ITPR2: variants seen among roughly 807,000 people sequenced by gnomAD.
ITPR2 encodes inositol 1,4,5-trisphosphate receptor type 2, also known as inositol 1,4,5-trisphosphate-gated calcium channel ITPR2.
Under a neutral mutation model 317.1 loss-of-function variants are expected in ITPR2, and 207 were observed. The ratio of observed to expected loss-of-function variants is 0.65; its 90% CI spans 0.58 to 0.73. ITPR2 has a LOEUF of 0.73. Ranked by LOEUF, ITPR2 falls within the 30% of genes least tolerant of loss-of-function variation. The pLI is 0.00. For synonymous variants in ITPR2, 1,156 were observed against 1,149.1 expected (o/e 1.01, Z -0.12); for missense variants, 2,613 against 3,284.0 (o/e 0.80, Z 4.99).
At chr12:26,631,118 T>C (rs781341265) in intron 22 of ITPR2, among the ~76,000 whole-genome samples, 1 of 152,220 alleles carries the variant, frequency 6.6e-6, no homozygotes, top group Non-Finnish European at 1.5e-5. Context: ...AGATTCCTAA[T>C]AGGTACTTGA....
rs193145513 is a variant in ITPR2 at position 26,398,949 on chromosome 12, G to A, written c.7623C>T (p.Ile2541=). The A allele has an allele frequency of 7.0e-5, 113 of 1,610,166 alleles. No individual in the cohort carries two copies. The East Asian group carries it at 2.1e-3, about 29-fold the overall frequency. ...IVLNLIFGVI[I]DTFADLRSEK... is the part of the protein sequence containing the mutation. ...CGCTTCTGAGATCAGCAAAAGTATC[G>A]ATGATAACACCAAAAATCAAGTTCA... Residue 2541 remains isoleucine (I), a synonymous_variant, in exon 54 of 57, where the codon ATC becomes ATT. Coordinates refer to ENST00000381340, the MANE Select transcript of ITPR2 (RefSeq NM_002223.4).
chr12:26,826,186 A>T (rs1951007344), intron 1 of ITPR2, among the ~76,000 whole-genome samples: 1 of 151,962 alleles, frequency 6.6e-6, no homozygotes, highest in Non-Finnish European at 1.5e-5. Flanking sequence ...GGATCGCTTG[A>T]GCCCAGGAGT....
At position 26,419,497 on chromosome 12, in the gene ITPR2, G is replaced by A. The variant is rs1488237594; in HGVS notation, c.6946-284C>T. ...GTTCCAGGAAGAGAGAGAATGGTAAGAGACTATGCAATCAAGACAGGTCTG... is the reference window on the plus strand; with the variant it reads ...GTTCCAGGAAGAGAGAGAATGGTAAAAGACTATGCAATCAAGACAGGTCTG... On this transcript the variant is annotated intron_variant, in intron 49 of 56. Transcript: ENST00000381340. The A allele has an allele frequency of 1.2e-5, 3 of 259,384 alleles. No homozygotes were observed. In the East Asian group the frequency reaches 2.7e-4, roughly 24 times the overall value. The allele number at this position is 259,384 out of a possible 1,614,324, so 16.1% of individuals were successfully genotyped here.
At position 26,682,043 on chromosome 12, in the gene ITPR2, T is replaced by C; in HGVS notation, c.1249-9A>G. On this transcript the variant is annotated splice_polypyrimidine_tract_variant and intron_variant, in intron 12 of 56. Transcript: ENST00000381340. ...GTTTGGCAGGTTCCAATCTGAAATG[T>C]TTTTCCATTAAGCTTAGTTTTATAA... is the stretch of plus-strand genomic sequence containing the variant. 1.2e-6 allele frequency: 2 copies of C among 1,607,780 alleles called. No homozygotes were observed. Among genetic ancestry groups the C allele is most frequent in the Non-Finnish European group, 8.5e-7 (1 of 1,176,374 alleles).
intron 37 of ITPR2, among the ~76,000 whole-genome samples, chr12:26,508,919 G>A (rs1032768663): frequency 6.6e-6 from 1 of 152,194 alleles, no homozygotes; most frequent in Admixed American, 6.5e-5. Flanking sequence ...AATTAAAACA[G>A]AGGTCCACAC....
intron 16 of ITPR2, among the ~76,000 whole-genome samples, 179 bp from the exon 17 acceptor site, chr12:26,658,309 T>C (rs1454926657): frequency 6.6e-6 from 1 of 152,216 alleles, no homozygotes; most frequent in Non-Finnish European, 1.5e-5. Context: ...AAATTAAACA[T>C]ACAATTCTTT....
chr12:26,680,602 A>T (rs1424673429), intron 13 of ITPR2, among the ~76,000 whole-genome samples: 5 of 152,188 alleles, frequency 3.3e-5, no homozygotes, highest in Admixed American at 3.3e-4. Context: ...TCAATCAAAT[A>T]CATTTTGTTA....
chr12:26,350,694 C>A (rs1938452367), intron 55 of ITPR2, among the ~76,000 whole-genome samples: 1 of 152,080 alleles, frequency 6.6e-6, no homozygotes, highest in South Asian at 2.1e-4. Flanking sequence ...TGAATAGAGA[C>A]CACAGCCCCC....
intron 2 of ITPR2, among the ~76,000 whole-genome samples, chr12:26,761,817 C>T (rs192768269): frequency 6.6e-6 from 1 of 152,212 alleles, no homozygotes; most frequent in African/African-American, 2.4e-5. Flanking sequence ...GTTCAGTAAA[C>T]TACAAGAGAT....
chr12:26,644,103 T>G (rs556400284), intron 21 of ITPR2, among the ~76,000 whole-genome samples: 2 of 152,260 alleles, frequency 1.3e-5, no homozygotes, highest in African/African-American at 4.8e-5. Context: ...ATTTAGGAGA[T>G]TATCAGGGAT....
intron 32 of ITPR2, among the ~76,000 whole-genome samples, chr12:26,582,271 A>G (rs936016968): frequency 6.6e-6 from 1 of 152,006 alleles, no homozygotes; most frequent in Non-Finnish European, 1.5e-5. Flanking sequence ...CATACATATG[A>G]ATATTTCTTT....
At chr12:26,818,100 A>G (rs1950888763) in intron 1 of ITPR2, among the ~76,000 whole-genome samples, 1 of 152,252 alleles carries the variant, frequency 6.6e-6, no homozygotes, top group Non-Finnish European at 1.5e-5. Flanking sequence ...ATATGTTTAA[A>G]ACTAAATAAT....
chr12:26,583,267 C>A (rs746116574), intron 32 of ITPR2, among the ~76,000 whole-genome samples: 12 of 152,138 alleles, frequency 7.9e-5, no homozygotes, highest in Non-Finnish European at 1.5e-4. Flanking sequence ...TTCATGGAAT[C>A]ATTTCATTTC....
chr12:26,708,609 A>T (rs1191926476), intron 9 of ITPR2, among the ~76,000 whole-genome samples: 6 of 152,206 alleles, frequency 3.9e-5, no homozygotes, highest in Admixed American at 3.3e-4. Flanking sequence ...AGGAAGGGTG[A>T]CAGGGAGGGA....
At chr12:26,390,195 G>T (rs895568038) in intron 54 of ITPR2, among the ~76,000 whole-genome samples, 4 of 152,196 alleles carry the variant, frequency 2.6e-5, no homozygotes, top group African/African-American at 9.6e-5. Flanking sequence ...TTGGAAAACA[G>T]TTTGGCAATT....
chr12:26,699,476 C>G (rs768507935), intron 9 of ITPR2, among the ~76,000 whole-genome samples: 3 of 152,168 alleles, frequency 2.0e-5, no homozygotes, highest in Non-Finnish European at 4.4e-5. Context: ...AACCATGACT[C>G]TATGTCAATA....
intron 55 of ITPR2, among the ~76,000 whole-genome samples, chr12:26,386,797 C>A (rs772741868): frequency 6.6e-6 from 1 of 152,144 alleles, no homozygotes; most frequent in Non-Finnish European, 1.5e-5. Context: ...ATTTCCCTTT[C>A]GGGCCAATTT....
intron 55 of ITPR2, among the ~76,000 whole-genome samples, chr12:26,343,964 AG>A (rs907526496): frequency 2.0e-5 from 3 of 152,216 alleles, no homozygotes; most frequent in African/African-American, 7.2e-5. Context: ...GCGTTGTAAC[AG>A]TATTAAGATG....
At chr12:26,423,258 G>C (rs1940949815) in intron 49 of ITPR2, among the ~76,000 whole-genome samples, 1 of 152,162 alleles carries the variant, frequency 6.6e-6, no homozygotes, top group Non-Finnish European at 1.5e-5. Flanking sequence ...CACTGAATTT[G>C]TGTATGTTAA....
Sources: allele counts gnomAD v4.1 joint callset (sites outside exome capture counted in the v4.1 genomes callset), GRCh38; gene constraint gnomAD v4.1.1; transcripts MANE v1.5; gene names NCBI Gene and HGNC (gene_info 2026-07-23, HGNC 2026-07-21).